Variants in HGF observed in about 807,000 individuals in gnomAD.
The protein encoded by HGF is hepatocyte growth factor.
In HGF, 39 loss-of-function variants were observed where a neutral mutation model predicts 111.6. The observed-to-expected ratio is 0.35, with a 90% CI of 0.27 to 0.46. The LOEUF is 0.46. Ranked by LOEUF, HGF falls within the 20% of genes least tolerant of loss-of-function variation. The pLI, the probability that HGF is intolerant of heterozygous loss-of-function variation, is 1.00. For missense variants in HGF, 735 were observed against 910.5 expected, an observed-to-expected ratio of 0.81 and a Z score of 2.48; for synonymous variants, 285 against 294.8, an observed-to-expected ratio of 0.97 and a Z score of 0.34.
chr7:81,717,109 G>A, intron 11 of HGF, 123 bp downstream of exon 11: 5 of 864,878 alleles, frequency 5.8e-6, no homozygotes, highest in Non-Finnish European at 9.6e-6. Context: ...TGTGTGTGTT[G>A]CTCTCTGGAG....
At position 81,741,379 on chromosome 7, in the gene HGF, C is replaced by G. The variant is rs535614862; in HGVS notation, c.865+1974G>C. Among the ~76,000 whole-genome samples, 4 of 152,164 alleles carry G rather than the reference C, an allele frequency of 2.6e-5. No individual in the cohort carries two copies. In the East Asian group the frequency reaches 7.8e-4, roughly 30 times the overall value. On this transcript the variant is annotated intron_variant, in intron 7 of 17. Coordinates refer to ENST00000222390, the MANE Select transcript of HGF (RefSeq NM_000601.6). ...TGTTACTTGCATAACTAGCCAGCTC[C>G]TTTTTGGACAGAAGAGAAAAAAGAA...
At chr7:81,763,327 A>G (rs1310860541) in intron 1 of HGF, among the ~76,000 whole-genome samples, 1 of 152,156 alleles carries the variant, frequency 6.6e-6, no homozygotes, top group Non-Finnish European at 1.5e-5. Flanking sequence ...GTCTCACTAA[A>G]AACTGTACAG....
intron 4 of HGF, chr7:81,756,245 A>G (rs974891611): frequency 5.3e-6 from 3 of 561,556 alleles, no homozygotes; most frequent in Non-Finnish European, 9.4e-6. Context: ...TTTGTCATGT[A>G]GGTAAAATAG....
In HGF at chr7:81,700,418, A is replaced by G. The variant is rs1184258216; in HGVS notation, c.*2163T>C. ...TTTTTAGCCTTTAATAAAATGAAAAATACTAGCCTCAAAATGTCTAAATAC... is the reference window on the plus strand; with the variant it reads ...TTTTTAGCCTTTAATAAAATGAAAAGTACTAGCCTCAAAATGTCTAAATAC... On this transcript the variant is annotated 3_prime_UTR_variant, in exon 18 of 18. Coordinates refer to ENST00000222390, the MANE Select transcript of HGF (RefSeq NM_000601.6). 1 of 151,640 alleles carries G rather than the reference A, an allele frequency of 6.6e-6. No homozygotes were observed. The highest frequency in any genetic ancestry group is 1.5e-5 in the Non-Finnish European group (1 of 67,704). The allele number at this position is 151,640 out of a possible 1,614,324, so 9.4% of individuals were successfully genotyped here.
intron 6 of HGF, among the ~76,000 whole-genome samples, chr7:81,744,796 CT>C (rs1369666986): frequency 6.6e-6 from 1 of 152,134 alleles, no homozygotes. Flanking sequence ...CATCATAAAT[CT>C]TTTTGCCCTT....
At chr7:81,736,650 T>G (rs1459292009) in intron 7 of HGF, 6 of 442,434 alleles carry the variant, frequency 1.4e-5, no homozygotes, top group Middle Eastern at 3.3e-4. Context: ...AAAGTAAAAT[T>G]TTTTGAAAGC....
intron 5 of HGF, chr7:81,751,122 A>T (rs1322046915): frequency 1.1e-6 from 1 of 907,614 alleles, no homozygotes; most frequent in Non-Finnish European, 1.3e-6. Flanking sequence ...ATAAATATCA[A>T]CCTAATATTA....
chr7:81,718,392 GA>G (rs5745715), intron 10 of HGF, among the ~76,000 whole-genome samples: 1,768 of 152,210 alleles, frequency 0.012, 40 homozygotes, highest in African/African-American at 0.041. Flanking sequence ...ATCCAGAGAG[GA>G]AAACTAATTG....
At chr7:81,706,864 A>G (rs1789440411) in intron 14 of HGF, among the ~76,000 whole-genome samples, 1 of 151,980 alleles carries the variant, frequency 6.6e-6, no homozygotes, top group African/African-American at 2.4e-5. Flanking sequence ...CTGCCTCTTT[A>G]TCTTTTCCTT....
intron 10 of HGF, among the ~76,000 whole-genome samples, chr7:81,717,835 GAAT>G (rs779030025): frequency 3.1e-4 from 47 of 152,198 alleles, no homozygotes; most frequent in Admixed American, 1.3e-3. Context: ...ATACTGAAAT[GAAT>G]AATGTGTTAA....
chr7:81,753,223 A>C (rs867650666), intron 4 of HGF, among the ~76,000 whole-genome samples: 1 of 152,058 alleles, frequency 6.6e-6, no homozygotes, highest in East Asian at 1.9e-4. Context: ...TCTTTTTTAT[A>C]CTTTTGTACT....
At position 81,725,985 on chromosome 7, in the gene HGF, T is replaced by C. The variant is rs184858341; in HGVS notation, c.1073A>G (p.Asp358Gly). 6.2e-7 allele frequency: 1 copy of C among 1,613,906 alleles called. No homozygotes were observed. The highest frequency in any genetic ancestry group is 2.2e-5 in the East Asian group (1 of 44,868). ...DLRENYCRNPDGSESPWCFTT... is the reference protein window; with the variant it reads ...DLRENYCRNPGGSESPWCFTT... ...AAAACACCAGGGTGATTCAGACCCA[T>C]CTGGATTTCGGCAGTAATTTTCTCG... The change falls in exon 9 of 18, where the codon GAT (aspartate) becomes GGT (glycine). Residue 358 changes from aspartate (D) to glycine (G), a missense_variant. This residue lies in a region of HGF where 553 missense variants were observed against 685.6 expected (regional missense o/e 0.81). Coordinates refer to ENST00000222390, the MANE Select transcript of HGF (RefSeq NM_000601.6).
chr7:81,769,992 C>T lies in HGF; in HGVS notation c.-21G>A, dbSNP rs1432746110. ...CACATGGTGCTGCTGGACGGGCTGGCGGATCCCTCTGGAGGAGATGCCTGG... is the reference window on the plus strand; with the variant it reads ...CACATGGTGCTGCTGGACGGGCTGGTGGATCCCTCTGGAGGAGATGCCTGG... On this transcript the variant is annotated 5_prime_UTR_variant, in exon 1 of 18. Transcript: ENST00000222390. 3 of 1,540,920 alleles carry T rather than the reference C, an allele frequency of 1.9e-6. No homozygotes were observed. Among genetic ancestry groups the T allele is most frequent in the Admixed American group, 2.0e-5 (1 of 51,044 alleles).
At chr7:81,722,995 T>A (rs1562880245) in intron 9 of HGF, among the ~76,000 whole-genome samples, 1 of 151,996 alleles carries the variant, frequency 6.6e-6, no homozygotes, top group Non-Finnish European at 1.5e-5. Context: ...AACTGTACAT[T>A]TGACTATGAA....
At chr7:81,736,473 A>G (rs12671260) in intron 7 of HGF, among the ~76,000 whole-genome samples, 117,225 of 151,940 alleles carry the variant, frequency 0.77, 45,421 homozygotes, top group Middle Eastern at 0.88. Context: ...TCATTATTCT[A>G]TTTTATTGTT....
At chr7:81,709,234 A>T (rs1789509340) in intron 13 of HGF, among the ~76,000 whole-genome samples, 1 of 152,136 alleles carries the variant, frequency 6.6e-6, no homozygotes, top group African/African-American at 2.4e-5. Context: ...TAAAACATGG[A>T]GGAAGAAAGC....
intron 7 of HGF, among the ~76,000 whole-genome samples, chr7:81,736,391 A>G (rs1787827008): frequency 6.6e-6 from 1 of 152,080 alleles, no homozygotes. Flanking sequence ...TGTAGTGCTG[A>G]TACCCAAGTA....
At chr7:81,767,476 T>C (rs1789421598) in intron 1 of HGF, among the ~76,000 whole-genome samples, 1 of 152,190 alleles carries the variant, frequency 6.6e-6, no homozygotes, top group Non-Finnish European at 1.5e-5. Context: ...TATCAGTTGC[T>C]CAACAAATTT....
intron 8 of HGF, among the ~76,000 whole-genome samples, chr7:81,728,058 G>T (rs1790066214): frequency 6.6e-6 from 1 of 152,140 alleles, no homozygotes; most frequent in Non-Finnish European, 1.5e-5. Flanking sequence ...TGGGGCAAGT[G>T]GGCAAGTAAT....
Sources: gnomAD v4.1 joint callset for allele counts (sites outside exome capture counted in the v4.1 genomes callset) on GRCh38, gnomAD v4.1.1 for gene constraint, gnomAD v4.1.1 regional missense constraint, MANE v1.5 for transcripts, NCBI Gene and HGNC (gene_info 2026-07-23, HGNC 2026-07-21) for gene names.